The following NPLOC4 variants were observed in gnomAD, a reference collection of about 807,000 sequenced individuals.
The protein encoded by NPLOC4 is nuclear protein localization protein 4 homolog.
NPLOC4 carries 18 observed loss-of-function variants against 80.6 expected under a neutral mutation model. That is an observed-to-expected ratio of 0.22 (90% CI 0.15 to 0.33). The LOEUF (loss-of-function observed/expected upper bound fraction) is 0.33, where lower values mean the gene tolerates loss of function less well. Ranked by LOEUF, NPLOC4 falls within the 10% of genes least tolerant of loss-of-function variation. The probability of loss-of-function intolerance (pLI) is 1.00; values close to 1 mark genes in which losing one functional copy is unlikely to be tolerated. For synonymous variants in NPLOC4, 313 were observed against 301.5 expected, an observed-to-expected ratio of 1.04 and a Z score of -0.39; for missense variants, 540 against 786.1, an observed-to-expected ratio of 0.69 and a Z score of 3.74.
At chr17:81,611,172 T>G (rs1377576825) in intron 4 of NPLOC4, among the ~76,000 whole-genome samples, 2 of 151,334 alleles carry the variant, frequency 1.3e-5, no homozygotes, top group African/African-American at 2.4e-5. Flanking sequence ...ATACAAAAAT[T>G]AGCCGGACGT....
At chr17:81,571,147 T>G (rs931854362) in intron 13 of NPLOC4, among the ~76,000 whole-genome samples, 1 of 152,202 alleles carries the variant, frequency 6.6e-6, no homozygotes, top group African/African-American at 2.4e-5. Context: ...ATCGATGGGC[T>G]TGGCTCGTGG....
chr17:81,621,586 T>C (rs145788685), intron 3 of NPLOC4, among the ~76,000 whole-genome samples: 3 of 152,318 alleles, frequency 2.0e-5, no homozygotes, highest in South Asian at 2.1e-4. Flanking sequence ...AAAGGACCAG[T>C]CAATACTTTC....
At chr17:81,583,681 C>T (rs955452531) in intron 12 of NPLOC4, among the ~76,000 whole-genome samples, 5 of 152,140 alleles carry the variant, frequency 3.3e-5, no homozygotes, top group African/African-American at 9.7e-5. Context: ...TCTCCAAGGC[C>T]AGCATCTGCA....
At chr17:81,560,825 C>G (rs1440388874) in intron 16 of NPLOC4, 1 of 152,220 alleles carries the variant, frequency 6.6e-6, no homozygotes, top group East Asian at 1.9e-4. Flanking sequence ...GCCTCCCACT[C>G]GCAAGGTACG....
At chr17:81,578,155 C>T (rs1001268353) in intron 12 of NPLOC4, among the ~76,000 whole-genome samples, 2 of 152,342 alleles carry the variant, frequency 1.3e-5, no homozygotes, top group Non-Finnish European at 2.9e-5. Flanking sequence ...CCAGCAGGAA[C>T]ATTCCAGAAC....
intron 3 of NPLOC4, among the ~76,000 whole-genome samples, chr17:81,618,449 G>A (rs1278422017): frequency 3.3e-5 from 5 of 151,374 alleles, no homozygotes; most frequent in East Asian, 2.0e-4. Flanking sequence ...AGTGAGGAGC[G>A]TCTCCGCCTG....
chr17:81,601,595 A>G (rs2035057538), intron 8 of NPLOC4, among the ~76,000 whole-genome samples: 1 of 152,166 alleles, frequency 6.6e-6, no homozygotes, highest in South Asian at 2.1e-4. Flanking sequence ...GCTCTCCATG[A>G]AAGAGACCCT....
Position 81,596,239 on chromosome 17 carries a change from T to C in NPLOC4, c.997A>G (p.Thr333Ala), listed in dbSNP as rs187919111. 4 of 1,611,998 alleles carry C rather than the reference T, an allele frequency of 2.5e-6. No individual in the cohort carries two copies. The highest frequency in any genetic ancestry group is 2.2e-5 in the East Asian group (1 of 44,862). ...CACTCTTCTGAACTTAGGAAATAGGTGTCCTAAGACAAGAGAAGCAGCCTA... is the reference window on the plus strand; with the variant it reads ...CACTCTTCTGAACTTAGGAAATAGGCGTCCTAAGACAAGAGAAGCAGCCTA... ...GTVRYSRNKDTYFLSSEECIT... is the reference protein window; with the variant it reads ...GTVRYSRNKDAYFLSSEECIT... Residue 333 changes from threonine (T) to alanine (A), a missense_variant, in exon 11 of 17, where the codon ACC becomes GCC. This residue lies in a region of NPLOC4 where 251 missense variants were observed against 377.5 expected (regional missense o/e 0.66). Coordinates refer to ENST00000331134, the MANE Select transcript of NPLOC4 (RefSeq NM_017921.4).
chr17:81,613,311 C>G lies in NPLOC4; in HGVS notation c.386+7G>C, dbSNP rs1356410638. 1.9e-6 allele frequency: 3 copies of G among 1,607,690 alleles called. No individual in the cohort carries two copies. In the African/African-American group the frequency reaches 4.0e-5, roughly 22 times the overall value. ...AGTAGGACCCTGGAATCTCATGGAT[C>G]ACTTACAGCTGTGGGTCTCGGCTTC... On this transcript the variant is annotated splice_region_variant and intron_variant, in intron 4 of 16. Transcript: ENST00000331134.
chr17:81,603,515 G>C (rs2035121260), intron 8 of NPLOC4, among the ~76,000 whole-genome samples: 1 of 152,164 alleles, frequency 6.6e-6, no homozygotes, highest in South Asian at 2.1e-4. Flanking sequence ...AGGATCGCTT[G>C]AGCCCAGGAG....
rs527627681 is a variant in NPLOC4 at position 81,557,626 on chromosome 17, G to A, written c.*1633C>T. 1.3e-5 allele frequency: 2 copies of A among 152,024 alleles called. No individual in the cohort carries two copies. The highest frequency in any genetic ancestry group is 2.4e-5 in the African/African-American group (1 of 41,442). The allele number at this position is 152,024 out of a possible 1,614,324, so 9.4% of individuals were successfully genotyped here. A position where few individuals can be genotyped will look rare whatever the true frequency, so the allele number is the denominator to read the frequency against. On this transcript the variant is annotated 3_prime_UTR_variant, in exon 17 of 17. Coordinates refer to ENST00000331134, the MANE Select transcript of NPLOC4 (RefSeq NM_017921.4). Reference sequence around the variant, plus strand: ...CTCACAGCTCATCTCAGGACCAGAGGAGACAGCAGAGGACAAAACTTCAGT... The same window carrying A: ...CTCACAGCTCATCTCAGGACCAGAGAAGACAGCAGAGGACAAAACTTCAGT...
At position 81,581,348 on chromosome 17, in the gene NPLOC4, CAAAAAAAAAAAAA is replaced by C. The variant is rs1169351301; in HGVS notation, c.1281+7583_1281+7595del. On this transcript the variant is annotated intron_variant, in intron 12 of 16. Coordinates refer to ENST00000331134, the MANE Select transcript of NPLOC4 (RefSeq NM_017921.4). ...TGGGCAACACAGCCAGACTCCAACG[CAAAAAAAAAAAAA>C]AAAAAAAAAAAAAAAGTTAATAAAA... Among the ~76,000 whole-genome samples the C allele has an allele frequency of 7.9e-3, 67 of 8,480 alleles. 2 individuals are homozygous for C. Among genetic ancestry groups the C allele is most frequent in the South Asian group, 0.024 (6 of 252 alleles). The allele number at this position is 8,480 out of a possible 152,430, so 5.6% of individuals were successfully genotyped here. A position where few individuals can be genotyped will look rare whatever the true frequency, so the allele number is the denominator to read the frequency against.
rs748821067 is a variant in NPLOC4 at position 81,604,542 on chromosome 17, G to A, written c.834+6C>T. 6.2e-7 allele frequency: 1 copy of A among 1,610,804 alleles called. No homozygotes were observed. The highest frequency in any genetic ancestry group is 1.7e-5 in the Admixed American group (1 of 59,284). On this transcript the variant is annotated splice_donor_region_variant and intron_variant, in intron 8 of 16. Transcript: ENST00000331134. Reference sequence around the variant, plus strand: ...AACTCAGGAACTTGAATCCCGTCATGTTTACCTGAGGTGGCTCATAAATCG... The same window carrying A: ...AACTCAGGAACTTGAATCCCGTCATATTTACCTGAGGTGGCTCATAAATCG...
chr17:81,631,436 AT>A (rs70938164), intron 1 of NPLOC4, among the ~76,000 whole-genome samples: 7,686 of 116,902 alleles, frequency 0.066, 343 homozygotes, highest in Middle Eastern at 0.14. Context: ...ATATATATAT[AT>A]TTTTTTTTTT....
At chr17:81,622,134 C>A in intron 3 of NPLOC4, 32 bp downstream of exon 3, 1 of 1,515,026 alleles carries the variant, frequency 6.6e-7, no homozygotes, top group Non-Finnish European at 9.2e-7. Context: ...CATTTCCCCC[C>A]ATTCCCTGCT....
chr17:81,572,900 G>A lies in NPLOC4; in HGVS notation c.1282-812C>T, dbSNP rs1238658120. Reference sequence around the variant, plus strand: ...AAAATAAAGGCATGCACAAATGAGCGCACACACAAATATGAAGACACGGGA... The same window carrying A: ...AAAATAAAGGCATGCACAAATGAGCACACACACAAATATGAAGACACGGGA... On this transcript the variant is annotated intron_variant, in intron 12 of 16. Coordinates refer to ENST00000331134, the MANE Select transcript of NPLOC4 (RefSeq NM_017921.4). The surrounding 1 kb of genome is among the most constrained non-coding windows in gnomAD (Gnocchi z 4.5). 1.3e-5 allele frequency among the ~76,000 whole-genome samples: 2 copies of A among 152,098 alleles called. No individual in the cohort carries two copies. The highest frequency in any genetic ancestry group is 2.1e-4 in the South Asian group (1 of 4,808).
At chr17:81,616,889 G>A (rs1398488185) in intron 3 of NPLOC4, among the ~76,000 whole-genome samples, 4 of 152,204 alleles carry the variant, frequency 2.6e-5, no homozygotes, top group Non-Finnish European at 4.4e-5. Flanking sequence ...GGAAGAAGAG[G>A]GTGAGTGACA....
At chr17:81,627,955 G>A (rs1448955984) in intron 2 of NPLOC4, among the ~76,000 whole-genome samples, 1 of 151,706 alleles carries the variant, frequency 6.6e-6, no homozygotes, top group Non-Finnish European at 1.5e-5. Context: ...AATTTGTATT[G>A]AATGAAAATA....
intron 1 of NPLOC4, 157 bp from the exon 2 acceptor site, chr17:81,629,962 T>C (rs759310317): frequency 3.4e-6 from 2 of 592,684 alleles, no homozygotes; most frequent in Non-Finnish European, 6.1e-6. Flanking sequence ...CCTTCTAGAA[T>C]ATGATGCCGA....
Sources: allele counts gnomAD v4.1 joint callset (sites outside exome capture counted in the v4.1 genomes callset), GRCh38; gene constraint gnomAD v4.1.1; regional missense constraint gnomAD v4.1.1; non-coding constraint Gnocchi (gnomAD v3.1); transcripts MANE v1.5; gene names NCBI Gene and HGNC (gene_info 2026-07-23, HGNC 2026-07-21).